LTBP1: variants seen among roughly 807,000 people sequenced by gnomAD.
The protein encoded by LTBP1 is latent transforming growth factor beta binding protein 1.
In LTBP1, 129 loss-of-function variants were observed where a neutral mutation model predicts 207.6. That is an observed-to-expected ratio of 0.62 (90% confidence interval 0.54 to 0.72). LTBP1 has a LOEUF of 0.72. Ranked by LOEUF, LTBP1 falls within the 30% of genes least tolerant of loss-of-function variation. LTBP1 has a pLI of 0.00. For synonymous variants in LTBP1, 963 were observed against 833.7 expected (o/e 1.16, Z -2.67); for missense variants, 2,281 against 2,217.2 (o/e 1.03, Z -0.58).
intron 5 of LTBP1, among the ~76,000 whole-genome samples, chr2:33,147,911 G>T (rs529381186): frequency 6.6e-6 from 1 of 152,208 alleles, no homozygotes; most frequent in African/African-American, 2.4e-5. Context: ...CACCTTTTTT[G>T]CTCCAGTGGA....
chr2:33,244,645 A>AT (rs932605792), intron 10 of LTBP1, among the ~76,000 whole-genome samples: 7 of 152,190 alleles, frequency 4.6e-5, no homozygotes, highest in East Asian at 3.9e-4. Context: ...GCACTGTAAG[A>AT]TTTTTTTTAA....
At chr2:33,029,027 A>G (rs2075564006) in intron 3 of LTBP1, among the ~76,000 whole-genome samples, 1 of 152,236 alleles carries the variant, frequency 6.6e-6, no homozygotes, top group Non-Finnish European at 1.5e-5. Context: ...GGTAGAAAGC[A>G]AACAGGGACA....
chr2:33,083,965 G>C (rs1298301800), intron 3 of LTBP1, among the ~76,000 whole-genome samples: 3 of 152,152 alleles, frequency 2.0e-5, no homozygotes, highest in Non-Finnish European at 4.4e-5. Context: ...CTCTAATAAG[G>C]TTGGGGCCCC....
chr2:32,953,817 C>G (rs1041052061), intron 2 of LTBP1, among the ~76,000 whole-genome samples: 2 of 152,160 alleles, frequency 1.3e-5, no homozygotes, highest in African/African-American at 2.4e-5. Context: ...CAGACGTACT[C>G]AAACATGTTC....
At chr2:33,049,347 G>C (rs1434357428) in intron 3 of LTBP1, among the ~76,000 whole-genome samples, 2 of 152,206 alleles carry the variant, frequency 1.3e-5, no homozygotes, top group Non-Finnish European at 2.9e-5. Context: ...AAGCTTTTGA[G>C]TAGTTAGTGT....
intron 7 of LTBP1, among the ~76,000 whole-genome samples, chr2:33,202,531 AAAAC>A (rs2089425117): frequency 6.6e-6 from 1 of 152,248 alleles, no homozygotes; most frequent in Non-Finnish European, 1.5e-5. Context: ...CTATGATTAC[AAAAC>A]AAACAAACCT....
At chr2:33,349,137 T>C (rs551250915) in intron 26 of LTBP1, among the ~76,000 whole-genome samples, 127 of 152,338 alleles carry the variant, frequency 8.3e-4, no homozygotes, top group African/African-American at 2.8e-3. Flanking sequence ...CTTCTAAATT[T>C]AATTTTTAAC....
intron 9 of LTBP1, among the ~76,000 whole-genome samples, chr2:33,241,699 A>G (rs2092328622): frequency 6.6e-6 from 1 of 152,202 alleles, no homozygotes; most frequent in Non-Finnish European, 1.5e-5. Flanking sequence ...GGGAAATAGA[A>G]GAGTGGAAAT....
intron 7 of LTBP1, among the ~76,000 whole-genome samples, chr2:33,190,096 G>C (rs1461032355): frequency 1.3e-5 from 2 of 152,042 alleles, no homozygotes; most frequent in East Asian, 3.9e-4. Context: ...GTAACTTTAG[G>C]CCTACATTTA....
chr2:32,962,047 T>TA (rs1679204221), intron 2 of LTBP1, among the ~76,000 whole-genome samples: 1 of 152,140 alleles, frequency 6.6e-6, no homozygotes, highest in Admixed American at 6.5e-5. Context: ...ACACTTTTTT[T>TA]AATAATGTGT....
intron 2 of LTBP1, among the ~76,000 whole-genome samples, chr2:32,984,326 A>G (rs219144): frequency 0.41 from 61,962 of 151,980 alleles, 14,421 homozygotes; most frequent in East Asian, 0.69. Context: ...TTTTCCTTTC[A>G]TCTTTCCTTC....
At chr2:33,313,807 A>T (rs1334443248) in intron 23 of LTBP1, among the ~76,000 whole-genome samples, 1 of 152,198 alleles carries the variant, frequency 6.6e-6, no homozygotes, top group African/African-American at 2.4e-5. Context: ...GGAGTCAGGA[A>T]CTCAGAGCTT....
At chr2:33,032,231 T>A (rs2075723339) in intron 3 of LTBP1, among the ~76,000 whole-genome samples, 1 of 152,214 alleles carries the variant, frequency 6.6e-6, no homozygotes, top group South Asian at 2.1e-4. Flanking sequence ...ACTCTATCCC[T>A]AGACTCAAAT....
Position 33,303,607 on chromosome 2 carries a change from C to T in LTBP1, c.3481+1963C>T, listed in dbSNP as rs571957043. Among the ~76,000 whole-genome samples, 175 of 152,250 alleles carry T rather than the reference C, an allele frequency of 1.1e-3. 3 individuals carry two copies. The highest frequency in any genetic ancestry group is 4.1e-3 in the African/African-American group (169 of 41,558). On this transcript the variant is annotated intron_variant, in intron 22 of 33. Transcript: ENST00000404816. ...CCTCGTGATCCGCCCATCTCGGCCTCCCAAAGTGCTGGGATTACAGGCGTG... is the reference window on the plus strand; with the variant it reads ...CCTCGTGATCCGCCCATCTCGGCCTTCCAAAGTGCTGGGATTACAGGCGTG...
At chr2:33,291,084 A>G (rs920083282) in intron 19 of LTBP1, among the ~76,000 whole-genome samples, 1 of 152,174 alleles carries the variant, frequency 6.6e-6, no homozygotes, top group Admixed American at 6.5e-5. Flanking sequence ...TGTTCTATCT[A>G]CGGTGATTGG....
In LTBP1 at chr2:33,219,303, T is replaced by A. The variant is rs2090930013; in HGVS notation, c.1804+1649T>A. ...ATTCGATGATCATTTGCAATGCAAATTTCCAGGAAGTAGGTTGAGTGTGAT... is the reference window on the plus strand; with the variant it reads ...ATTCGATGATCATTTGCAATGCAAAATTCCAGGAAGTAGGTTGAGTGTGAT... On this transcript the variant is annotated intron_variant, in intron 8 of 33. Coordinates refer to ENST00000404816, the MANE Select transcript of LTBP1 (RefSeq NM_206943.4). 3.9e-5 allele frequency among the ~76,000 whole-genome samples: 6 copies of A among 152,190 alleles called. No homozygotes were observed. The South Asian group carries it at 1.2e-3, about 31-fold the overall frequency.
chr2:33,120,252 C>T (rs10170267), intron 4 of LTBP1, among the ~76,000 whole-genome samples: 51,698 of 150,758 alleles, frequency 0.34, 9,076 homozygotes, highest in South Asian at 0.4. Flanking sequence ...AAACACGTGT[C>T]ACGGGGTTTC....
At chr2:33,012,090 T>G (rs1217329781) in intron 2 of LTBP1, among the ~76,000 whole-genome samples, 2 of 152,200 alleles carry the variant, frequency 1.3e-5, no homozygotes, top group African/African-American at 4.8e-5. Context: ...TCTCCCTGGC[T>G]GGGTTGTGAA....
intron 13 of LTBP1, among the ~76,000 whole-genome samples, chr2:33,261,335 A>G (rs146918511): frequency 1.0e-3 from 154 of 152,296 alleles, no homozygotes; most frequent in African/African-American, 2.6e-3. Context: ...ATGGGGTGCA[A>G]TTGAGACTGG....
Sources: gnomAD v4.1 joint callset for allele counts (sites outside exome capture counted in the v4.1 genomes callset) on GRCh38, gnomAD v4.1.1 for gene constraint, MANE v1.5 for transcripts, NCBI Gene and HGNC (gene_info 2026-07-23, HGNC 2026-07-21) for gene names.